Variants in SIPA1L1 observed in about 807,000 individuals in gnomAD.
SIPA1L1 encodes the protein signal induced proliferation associated 1 like 1.
SIPA1L1 carries 26 observed loss-of-function variants against 162.7 expected under a neutral mutation model. That is an observed-to-expected ratio of 0.16 (90% CI 0.12 to 0.22). The LOEUF is 0.22. SIPA1L1 is among the 10% of genes least tolerant of loss of function. SIPA1L1 has a pLI of 1.00. For synonymous variants in SIPA1L1, 829 were observed against 837.4 expected, an observed-to-expected ratio of 0.99 and a Z score of 0.17; for missense variants, 1,874 against 2,241.0, an observed-to-expected ratio of 0.84 and a Z score of 3.31.
chr14:71,675,120 T>A (rs972745662), intron 12 of SIPA1L1, among the ~76,000 whole-genome samples: 8 of 152,206 alleles, frequency 5.3e-5, no homozygotes, highest in African/African-American at 1.9e-4. Flanking sequence ...GGTTCCAAGC[T>A]ACCGATGTGA....
intron 2 of SIPA1L1, among the ~76,000 whole-genome samples, chr14:71,418,668 A>G (rs1336705395): frequency 6.6e-6 from 1 of 152,080 alleles, no homozygotes; most frequent in East Asian, 1.9e-4. Flanking sequence ...AGTGATGGGG[A>G]TTTTATTTTA....
chr14:71,686,891 A>C (rs2080907789), intron 13 of SIPA1L1, among the ~76,000 whole-genome samples: 1 of 152,222 alleles, frequency 6.6e-6, no homozygotes, highest in Non-Finnish European at 1.5e-5. Flanking sequence ...GACTCATCTG[A>C]GTGGCAAGAA....
intron 2 of SIPA1L1, among the ~76,000 whole-genome samples, chr14:71,454,349 A>G (rs1203195421): frequency 1.3e-5 from 2 of 152,052 alleles, no homozygotes; most frequent in Non-Finnish European, 1.5e-5. Flanking sequence ...CTCTCTGTCA[A>G]CTCTTTAGCT....
At chr14:71,627,367 G>A (rs1463214990) in intron 7 of SIPA1L1, among the ~76,000 whole-genome samples, 3 of 151,618 alleles carry the variant, frequency 2.0e-5, no homozygotes, top group Non-Finnish European at 2.9e-5. Context: ...GGGTGGTCTC[G>A]AACTCCTGAC....
intron 5 of SIPA1L1, among the ~76,000 whole-genome samples, chr14:71,604,808 T>A (rs2037292419): frequency 6.6e-6 from 1 of 152,182 alleles, no homozygotes; most frequent in Non-Finnish European, 1.5e-5. Flanking sequence ...CACACTTTTC[T>A]CTTGCTATTT....
rs552410285 is a variant in SIPA1L1 at position 71,597,008 on chromosome 14, G to T, written c.1498+7638G>T. Among the ~76,000 whole-genome samples the T allele has an allele frequency of 3.3e-5, 5 of 152,122 alleles. No homozygotes were observed. The East Asian group carries it at 9.7e-4, about 29-fold the overall frequency. On this transcript the variant is annotated intron_variant, in intron 5 of 23. Transcript: ENST00000381232. The stretch of plus-strand genomic sequence containing the variant: ...TTGTTTTTAGACAGGGTCTTCCACT[G>T]TCACAGGCTGGAGTGCAGTGGCGTG...
In SIPA1L1 at chr14:71,684,245, GA is replaced by G. The variant is rs1203417223; in HGVS notation, c.3105-1115del. ...CAAAAACTCTACTGAAGGTGGGGGA[GA>G]AGATGCATTATGGAATACACATTTG... On this transcript the variant is annotated intron_variant, in intron 12 of 23. Coordinates refer to ENST00000381232, the MANE Select transcript of SIPA1L1 (RefSeq NM_001386936.1). Among the ~76,000 whole-genome samples, 12 of 152,356 alleles carry G rather than the reference GA, an allele frequency of 7.9e-5. 1 individual carries two copies. The Middle Eastern group carries it at 0.014, about 173-fold the overall frequency.
chr14:71,705,601 T>C (rs182119745), intron 16 of SIPA1L1, among the ~76,000 whole-genome samples: 22 of 152,118 alleles, frequency 1.4e-4, no homozygotes, highest in Admixed American at 1.3e-3. Context: ...AATCCTGAAA[T>C]GTTAGGAGTG....
At chr14:71,506,183 A>G (rs117028515) in intron 2 of SIPA1L1, among the ~76,000 whole-genome samples, 2,499 of 152,202 alleles carry the variant, frequency 0.016, 41 homozygotes, top group South Asian at 0.059. Flanking sequence ...ATATATGTCT[A>G]TTGTTGGATA....
chr14:71,563,702 A>G (rs904113688), intron 4 of SIPA1L1, among the ~76,000 whole-genome samples: 3 of 152,234 alleles, frequency 2.0e-5, no homozygotes, highest in South Asian at 4.1e-4. Flanking sequence ...AGCACACACT[A>G]TCTTCTTTAC....
rs988351419 is a variant in SIPA1L1, at chr14:71,741,011, A to G, written c.*1850A>G. On this transcript the variant is annotated 3_prime_UTR_variant, in exon 24 of 24. Transcript: ENST00000381232. Reference sequence around the variant, plus strand: ...CTCTAAAGACTACCTGTAAAATTCAAAGAATAAAATTCATTTTAAACGCTC... The same window carrying G: ...CTCTAAAGACTACCTGTAAAATTCAGAGAATAAAATTCATTTTAAACGCTC... 6.6e-6 allele frequency: 1 copy of G among 152,222 alleles called. No individual in the cohort carries two copies. The highest frequency in any genetic ancestry group is 2.4e-5 in the African/African-American group (1 of 41,456). 9.4% of individuals were successfully genotyped at this position (152,222 alleles called of 1,614,324 possible).
At chr14:71,540,736 G>A (rs2054303711) in intron 4 of SIPA1L1, among the ~76,000 whole-genome samples, 1 of 152,210 alleles carries the variant, frequency 6.6e-6, no homozygotes, top group Non-Finnish European at 1.5e-5. Context: ...ATTTAGACAT[G>A]ACATTGTTTG....
At chr14:71,502,249 A>ATATATATATATATAT (rs1567114570) in intron 2 of SIPA1L1, among the ~76,000 whole-genome samples, 3 of 67,082 alleles carry the variant, frequency 4.5e-5, no homozygotes, top group Non-Finnish European at 8.7e-5. Flanking sequence ...CTTGAAAAAA[A>ATATATATATATATAT]AAAAAAATAT....
In SIPA1L1 at chr14:71,597,879, A is replaced by G. The variant is rs139658211; in HGVS notation, c.1498+8509A>G. Among the ~76,000 whole-genome samples, 122 of 152,284 alleles carry G rather than the reference A, an allele frequency of 8.0e-4. No homozygotes were observed. The South Asian group carries it at 0.013, about 17-fold the overall frequency. ...CCTCTTGTTCTGCATGATGATTTCTATGCTGCATTAATTCACAGCCAGCCT... is the reference window on the plus strand; with the variant it reads ...CCTCTTGTTCTGCATGATGATTTCTGTGCTGCATTAATTCACAGCCAGCCT... On this transcript the variant is annotated intron_variant, in intron 5 of 23. Coordinates refer to ENST00000381232, the MANE Select transcript of SIPA1L1 (RefSeq NM_001386936.1).
chr14:71,415,767 G>A (rs1233272241), intron 2 of SIPA1L1, among the ~76,000 whole-genome samples: 1 of 151,354 alleles, frequency 6.6e-6, no homozygotes, highest in Non-Finnish European at 1.5e-5. Context: ...GCATGATCTC[G>A]GCTCACTGCA....
At chr14:71,671,997 A>G (rs1410246402) in intron 11 of SIPA1L1, among the ~76,000 whole-genome samples, 2 of 151,722 alleles carry the variant, frequency 1.3e-5, no homozygotes, top group Non-Finnish European at 2.9e-5. Context: ...GCTGCAGTCC[A>G]GTCATCTGGT....
intron 8 of SIPA1L1, among the ~76,000 whole-genome samples, chr14:71,651,223 G>C (rs1304479190): frequency 1.3e-5 from 2 of 152,136 alleles, no homozygotes; most frequent in African/African-American, 2.4e-5. Context: ...CTATGTGTCT[G>C]TGTGAAAGCA....
chr14:71,532,664 C>G (rs1680452688), intron 4 of SIPA1L1, among the ~76,000 whole-genome samples: 1 of 152,166 alleles, frequency 6.6e-6, no homozygotes, highest in Admixed American at 6.5e-5. Context: ...GTTTTGTACT[C>G]CTCTGTAATT....
intron 3 of SIPA1L1, among the ~76,000 whole-genome samples, 188 bp downstream of exon 3, chr14:71,513,033 T>C (rs1330113920): frequency 1.3e-5 from 2 of 152,152 alleles, no homozygotes; most frequent in South Asian, 4.1e-4. Flanking sequence ...ACCTCACATA[T>C]ACTGACTGAT....
Sources: gnomAD v4.1 joint callset for allele counts (sites outside exome capture counted in the v4.1 genomes callset) on GRCh38, gnomAD v4.1.1 for gene constraint, MANE v1.5 for transcripts, NCBI Gene and HGNC (gene_info 2026-07-23, HGNC 2026-07-21) for gene names.